The following OR2L13 variants were observed in gnomAD, a reference collection of about 807,000 sequenced individuals.
OR2L13 encodes the protein olfactory receptor 2L13.
In OR2L13, 14 loss-of-function variants were observed where a neutral mutation model predicts 15.3. That is an observed-to-expected ratio of 0.91 (90% CI 0.60 to 1.43). OR2L13 has a LOEUF of 1.43. Among genes scored for constraint, OR2L13 ranks in the 40% most tolerant of loss-of-function variants. The probability of loss-of-function intolerance (pLI) is 0.00; values close to 1 mark genes in which losing one functional copy is unlikely to be tolerated. For missense variants in OR2L13, 367 were observed against 387.9 expected (o/e 0.95, Z 0.45); for synonymous variants, 152 against 142.9 (o/e 1.06, Z -0.45).
chr1:248,073,139 G>T, the OR2L13 span, among the ~76,000 whole-genome samples: 3 of 151,848 alleles, frequency 2.0e-5, no homozygotes, highest in African/African-American at 7.3e-5. Flanking sequence ...TATACCCAAA[G>T]GACTATAAAT....
At chr1:247,948,452 A>C in the OR2L13 span, among the ~76,000 whole-genome samples, 1 of 152,218 alleles carries the variant, frequency 6.6e-6, no homozygotes, top group Non-Finnish European at 1.5e-5. Context: ...TTTCTCAGAA[A>C]AAAACTAGTA....
chr1:247,950,611 G>A, the OR2L13 span, among the ~76,000 whole-genome samples: 1 of 152,058 alleles, frequency 6.6e-6, no homozygotes, highest in Non-Finnish European at 1.5e-5. Flanking sequence ...AAATGTTCTT[G>A]GCATTGTTGT....
the OR2L13 span, chr1:247,996,863 T>A: frequency 2.0e-5 from 3 of 152,158 alleles, no homozygotes; most frequent in South Asian, 2.1e-4. Context: ...ACAAAAAAAA[T>A]TTTCAGCTTT....
At chr1:248,005,555 G>A in the OR2L13 span, among the ~76,000 whole-genome samples, 5 of 152,078 alleles carry the variant, frequency 3.3e-5, no homozygotes, top group Non-Finnish European at 5.9e-5. Flanking sequence ...CATACGAATC[G>A]TAGAATGGTT....
chr1:247,952,374 T>C, the OR2L13 span, among the ~76,000 whole-genome samples: 9 of 152,138 alleles, frequency 5.9e-5, no homozygotes, highest in Admixed American at 1.3e-4. Flanking sequence ...AATGAGAGTA[T>C]TAGGAGTAGG....
the OR2L13 span, among the ~76,000 whole-genome samples, chr1:247,977,627 T>G: frequency 3.6e-3 from 552 of 152,330 alleles, 3 homozygotes; most frequent in African/African-American, 0.013. Flanking sequence ...ACACTAAGCA[T>G]GAACCAGCTC....
chr1:248,081,186 G>C, the OR2L13 span, among the ~76,000 whole-genome samples: 4 of 152,176 alleles, frequency 2.6e-5, no homozygotes, highest in South Asian at 8.3e-4. Context: ...ATTAAGAGTA[G>C]AAACATCTGC....
chr1:248,097,859 C>T (rs1463315967), intron 1 of OR2L13, among the ~76,000 whole-genome samples: 2 of 152,232 alleles, frequency 1.3e-5, no homozygotes, highest in Non-Finnish European at 2.9e-5. Context: ...GGCCTGGGCA[C>T]ATCAGGACAG....
At chr1:247,959,223 A>G in the OR2L13 span, among the ~76,000 whole-genome samples, 2 of 152,026 alleles carry the variant, frequency 1.3e-5, no homozygotes, top group Non-Finnish European at 2.9e-5. Context: ...GCTGGATATG[A>G]AATTCTGGGT....
chr1:247,964,105 G>A, the OR2L13 span, among the ~76,000 whole-genome samples: 2 of 152,082 alleles, frequency 1.3e-5, no homozygotes, highest in African/African-American at 4.8e-5. Context: ...TTATTTATAA[G>A]TTCTAAAGAA....
the OR2L13 span, among the ~76,000 whole-genome samples, chr1:247,989,538 G>A: frequency 6.6e-6 from 1 of 152,004 alleles, no homozygotes; most frequent in South Asian, 2.1e-4. Context: ...TCCTATAAAT[G>A]TATATATTTC....
At chr1:247,991,524 A>G in the OR2L13 span, among the ~76,000 whole-genome samples, 12 of 149,310 alleles carry the variant, frequency 8.0e-5, 1 homozygote, top group East Asian at 2.1e-4. Context: ...GAGTTTCCCT[A>G]TAAGAGGTTC....
At chr1:247,978,048 C>G in the OR2L13 span, among the ~76,000 whole-genome samples, 4 of 151,894 alleles carry the variant, frequency 2.6e-5, no homozygotes, top group Admixed American at 1.3e-4. Flanking sequence ...CTTCCTGGGT[C>G]GGGTGGGGAC....
At chr1:248,002,125 A>G in the OR2L13 span, among the ~76,000 whole-genome samples, 5 of 152,040 alleles carry the variant, frequency 3.3e-5, no homozygotes, top group Admixed American at 6.6e-5. Flanking sequence ...ATTTTTTTTT[A>G]ATTACCAATG....
the OR2L13 span, among the ~76,000 whole-genome samples, chr1:248,076,674 A>G: frequency 1.3e-5 from 2 of 152,082 alleles, no homozygotes; most frequent in African/African-American, 4.8e-5. Context: ...AATCCTTGTG[A>G]TTTTTGCACA....
At chr1:248,059,031 C>T in the OR2L13 span, among the ~76,000 whole-genome samples, 23 of 152,212 alleles carry the variant, frequency 1.5e-4, no homozygotes, top group South Asian at 2.1e-4. Flanking sequence ...TCACAGATTT[C>T]GTAACATATC....
chr1:247,992,961 G>A, the OR2L13 span, among the ~76,000 whole-genome samples: 82 of 152,260 alleles, frequency 5.4e-4, no homozygotes, highest in African/African-American at 1.7e-3. Flanking sequence ...GCTTTCCATA[G>A]TGGCTGGGCT....
chr1:248,061,554 G>T, the OR2L13 span: 1 of 1,613,798 alleles, frequency 6.2e-7, no homozygotes, highest in East Asian at 2.2e-5. Flanking sequence ...TCTATAGCCT[G>T]AGGAACAAGG....
the OR2L13 span, chr1:248,003,391 A>T: frequency 1.2e-6 from 2 of 1,609,980 alleles, no homozygotes; most frequent in Admixed American, 1.7e-5. Context: ...TTCTGCATGG[A>T]AACAAGTCTA....
Sources: gnomAD v4.1 joint callset for allele counts (sites outside exome capture counted in the v4.1 genomes callset) on GRCh38, gnomAD v4.1.1 for gene constraint, MANE v1.5 for transcripts, NCBI Gene and HGNC (gene_info 2026-07-23, HGNC 2026-07-21) for gene names.